Variants in TACC2 observed in about 807,000 individuals in gnomAD.
TACC2 encodes the protein transforming acidic coiled-coil-containing protein 2.
In TACC2, 137 loss-of-function variants were observed where a neutral mutation model predicts 227.3. The ratio of observed to expected loss-of-function variants is 0.60; its 90% confidence interval spans 0.52 to 0.69. TACC2 has a LOEUF of 0.69. TACC2 is among the 30% of genes least tolerant of loss of function. The pLI, the probability that TACC2 is intolerant of heterozygous loss-of-function variation, is 0.00. For synonymous variants in TACC2, 1,523 were observed against 1,487.5 expected (o/e 1.02, Z -0.55); for missense variants, 3,470 against 3,694.4 (o/e 0.94, Z 1.57).
rs144832621 is a variant in TACC2, at chr10:122,033,387, T to G, written c.33+11373T>G. 1.3e-3 allele frequency among the ~76,000 whole-genome samples: 193 copies of G among 152,284 alleles called. 1 individual carries two copies. Among genetic ancestry groups the G allele is most frequent in the African/African-American group, 4.3e-3 (180 of 41,564 alleles). On this transcript the variant is annotated intron_variant, in intron 2 of 22. Coordinates refer to ENST00000369005, the MANE Select transcript of TACC2 (RefSeq NM_206862.4). Reference sequence around the variant, plus strand: ...TAGTGTGCCTGTCCAAGAACTGGCTTGGTTGGTATGTTCTGCAATGCTGAA... The same window carrying G: ...TAGTGTGCCTGTCCAAGAACTGGCTGGGTTGGTATGTTCTGCAATGCTGAA...
At chr10:122,152,171 C>G (rs1339443038) in intron 7 of TACC2, among the ~76,000 whole-genome samples, 1 of 152,196 alleles carries the variant, frequency 6.6e-6, no homozygotes, top group Non-Finnish European at 1.5e-5. Context: ...TGTGCCCCAC[C>G]TTGGTGTCCC....
rs76171057 is a variant in TACC2, at chr10:122,135,863, A to G, written c.5699+3129A>G. On this transcript the variant is annotated intron_variant, in intron 6 of 22. Coordinates refer to ENST00000369005, the MANE Select transcript of TACC2 (RefSeq NM_206862.4). ...CTGCAAACAAGTGTCCTTACGTGGCATAGTTAGTTCAACTGTTGTGCTTTT... is the reference window on the plus strand; with the variant it reads ...CTGCAAACAAGTGTCCTTACGTGGCGTAGTTAGTTCAACTGTTGTGCTTTT... Among the ~76,000 whole-genome samples, 129 of 152,310 alleles carry G rather than the reference A, an allele frequency of 8.5e-4. 2 individuals are homozygous for G. The East Asian group carries it at 0.024, about 28-fold the overall frequency.
intron 7 of TACC2, among the ~76,000 whole-genome samples, chr10:122,165,022 T>C (rs2139898529): frequency 6.6e-6 from 1 of 152,296 alleles, no homozygotes; most frequent in South Asian, 2.1e-4. Context: ...GATGTAATGC[T>C]AGGCTGAGCC....
At chr10:122,081,257 C>T (rs1012989646) in intron 3 of TACC2, among the ~76,000 whole-genome samples, 10 of 151,736 alleles carry the variant, frequency 6.6e-5, no homozygotes, top group Admixed American at 1.3e-4. Flanking sequence ...TGGTGGCTCA[C>T]GCCTGTAATC....
intron 6 of TACC2, among the ~76,000 whole-genome samples, chr10:122,142,671 C>G (rs1390961411): frequency 6.6e-6 from 1 of 152,202 alleles, no homozygotes. Flanking sequence ...GCTGTGACGC[C>G]ACAAACCCCA....
chr10:122,242,860 C>G (rs1038634062), intron 19 of TACC2, among the ~76,000 whole-genome samples: 2 of 152,152 alleles, frequency 1.3e-5, no homozygotes, highest in Non-Finnish European at 2.9e-5. Flanking sequence ...TCTCAAACTT[C>G]TGGGGTTTAG....
intron 3 of TACC2, among the ~76,000 whole-genome samples, chr10:122,069,009 T>G (rs1442380733): frequency 6.6e-6 from 1 of 151,788 alleles, no homozygotes; most frequent in Non-Finnish European, 1.5e-5. Context: ...ACCTTTCAGG[T>G]GTTCTGTACC....
chr10:122,126,557 T>C (rs1165046629), intron 5 of TACC2, among the ~76,000 whole-genome samples: 2 of 152,130 alleles, frequency 1.3e-5, no homozygotes, highest in African/African-American at 4.8e-5. Flanking sequence ...CCACCTTCTG[T>C]ATATGCAAGC....
At chr10:122,122,503 T>C (rs58126929) in intron 5 of TACC2, among the ~76,000 whole-genome samples, 5,796 of 152,106 alleles carry the variant, frequency 0.038, 196 homozygotes, top group East Asian at 0.17. Context: ...TTTTTTTTTT[T>C]TAATAGCTGA....
Position 122,195,141 on chromosome 10 carries a change from C to A in TACC2, c.5936C>A (p.Pro1979His). The A allele has an allele frequency of 6.2e-7, 1 of 1,613,216 alleles. No individual in the cohort carries two copies. Among genetic ancestry groups the A allele is most frequent in the Non-Finnish European group, 8.5e-7 (1 of 1,179,576 alleles). ...CCACCCCCCGAAGTCATCCCAGAAC[C>A]CGAGGTCAGCACACAGCCACCCCCG... ...PPPPPEVIPE[P>H]EVSTQPPPEE... The change falls in exon 8 of 23, where the codon CCC becomes CAC. Residue 1979 changes from proline to histidine, a missense_variant. By Grantham distance (77) the Pro-to-His change is moderately conservative. Transcript: ENST00000369005.
At position 122,083,957 on chromosome 10, in the gene TACC2, C is replaced by T. The variant is rs1450281687; in HGVS notation, c.1457C>T (p.Pro486Leu). The T allele has an allele frequency of 6.2e-7, 1 of 1,614,020 alleles. No homozygotes were observed. Among genetic ancestry groups the T allele is most frequent in the East Asian group, 2.2e-5 (1 of 44,856 alleles). The change falls in exon 4 of 23, where the codon CCT becomes CTT. Residue 486 changes from proline to leucine, a missense_variant. Pro to Leu is a moderately conservative substitution (Grantham distance 98, BLOSUM62 -3). Coordinates refer to ENST00000369005, the MANE Select transcript of TACC2 (RefSeq NM_206862.4). ...AAGGGAGAGCATCCAGAAGGGGACC[C>T]TGGAGAGGTTCCTGCCCCATCACCC... ...GSKGEHPEGD[P>L]GEVPAPSPQE...
At chr10:121,996,760 A>C (rs1321597546) in intron 1 of TACC2, among the ~76,000 whole-genome samples, 1 of 152,176 alleles carries the variant, frequency 6.6e-6, no homozygotes, top group Non-Finnish European at 1.5e-5. Context: ...TGTTAAGTGG[A>C]CATTTCAAGA....
chr10:122,229,341 T>C lies in TACC2; in HGVS notation c.7897-5T>C. 1 of 1,613,908 alleles carries C rather than the reference T, an allele frequency of 6.2e-7. No homozygotes were observed. Among genetic ancestry groups the C allele is most frequent in the Non-Finnish European group, 8.5e-7 (1 of 1,179,986 alleles). ...TTGTGTGTCCTCCTCTCTGCCGGCT[T>C]TCAGACAGCTCCCGAGGGCTCCTTT... On this transcript the variant is annotated splice_region_variant and splice_polypyrimidine_tract_variant and intron_variant, in intron 14 of 22. Coordinates refer to ENST00000369005, the MANE Select transcript of TACC2 (RefSeq NM_206862.4).
chr10:122,171,779 T>G (rs1448726080), intron 7 of TACC2, among the ~76,000 whole-genome samples: 1 of 152,248 alleles, frequency 6.6e-6, no homozygotes, highest in African/African-American at 2.4e-5. Context: ...TTGCAAATTC[T>G]TTGTCCCATG....
chr10:122,002,972 G>C (rs1171026948), intron 1 of TACC2, among the ~76,000 whole-genome samples: 1 of 152,172 alleles, frequency 6.6e-6, no homozygotes, highest in Non-Finnish European at 1.5e-5. Context: ...GGAGGCCGAA[G>C]CAGGCGGATC....
intron 17 of TACC2, 71 bp downstream of exon 17, chr10:122,237,609 C>T (rs1485172698): frequency 6.5e-7 from 1 of 1,543,574 alleles, no homozygotes; most frequent in East Asian, 2.3e-5. Context: ...GTCCACAAAG[C>T]CAGAGTCTTT....
chr10:122,103,775 CG>C (rs1202394378), intron 5 of TACC2, among the ~76,000 whole-genome samples: 1 of 151,648 alleles, frequency 6.6e-6, no homozygotes, highest in Non-Finnish European at 1.5e-5. Flanking sequence ...GGCCTGGAGG[CG>C]GGGGTCTTGT....
chr10:122,229,995 T>A (rs2095705937), intron 15 of TACC2, among the ~76,000 whole-genome samples: 1 of 152,246 alleles, frequency 6.6e-6, no homozygotes, highest in African/African-American at 2.4e-5. Context: ...AACAGCCATC[T>A]GAGAGATGCA....
In TACC2 at chr10:122,089,068, G is replaced by C. The variant is rs116988714; in HGVS notation, c.5573+477G>C. Among the ~76,000 whole-genome samples the C allele has an allele frequency of 1.6e-4, 25 of 152,260 alleles. No individual in the cohort carries two copies. The East Asian group carries it at 4.8e-3, about 29-fold the overall frequency. On this transcript the variant is annotated intron_variant, in intron 5 of 22. Transcript: ENST00000369005. ...CAGGAGGTGAAGGTTGCAGTGAGCC[G>C]TGTTTGTGCCACTGCACTCCACCCT...
Sources: allele counts gnomAD v4.1 joint callset (sites outside exome capture counted in the v4.1 genomes callset), GRCh38; gene constraint gnomAD v4.1.1; transcripts MANE v1.5; gene names NCBI Gene and HGNC (gene_info 2026-07-23, HGNC 2026-07-21).